The following FBXO9 variants were observed in gnomAD, a reference collection of about 807,000 sequenced individuals.
FBXO9 encodes F-box only protein 9.
In FBXO9, 43 loss-of-function variants were observed where a neutral mutation model predicts 63.7. The observed-to-expected ratio is 0.67, with a 90% CI of 0.53 to 0.87. FBXO9 has a LOEUF of 0.87. Ranked by LOEUF, FBXO9 falls within the 40% of genes least tolerant of loss-of-function variation. FBXO9 has a pLI of 0.00. For missense variants in FBXO9, 442 were observed against 533.2 expected (o/e 0.83, Z 1.68); for synonymous variants, 156 against 171.7 (o/e 0.91, Z 0.72).
At chr6:53,095,283 A>C (rs1458090528) in intron 11 of FBXO9, among the ~76,000 whole-genome samples, 1 of 152,090 alleles carries the variant, frequency 6.6e-6, no homozygotes, top group African/African-American at 2.4e-5. Context: ...TATTTAACAC[A>C]TGAGGTTATT....
rs372825499 is a variant in FBXO9 at position 53,076,497 on chromosome 6, C to T, written c.261C>T (p.Leu87=). The part of the protein sequence containing the change: ...EQAKEEKARE[L]FLKAVEEEQN... ...TTATATTTTTATAGGCTCGAGAACTCTTCCTAAAAGCAGTAGAAGAAGAAC... is the reference window on the plus strand; with the variant it reads ...TTATATTTTTATAGGCTCGAGAACTTTTCCTAAAAGCAGTAGAAGAAGAAC... The change falls in exon 4 of 13, where the codon CTC becomes CTT. Residue 87 remains leucine, a synonymous_variant. Transcript: ENST00000323557. 79 of 1,544,820 alleles carry T rather than the reference C, an allele frequency of 5.1e-5. No individual in the cohort carries two copies. In the Middle Eastern group the frequency reaches 8.8e-4, roughly 17 times the overall value.
rs536218395 is a variant in FBXO9 at position 53,090,888 on chromosome 6, A to C, written c.654-1541A>C. ...TGTATTTTTGCCTAGTTAATTAAAA[A>C]AAATTTTTTTAAGAGACAGGGTCTT... On this transcript the variant is annotated intron_variant, in intron 7 of 12. Coordinates refer to ENST00000323557, the MANE Select transcript of FBXO9 (RefSeq NM_033480.3). The C allele has an allele frequency of 3.9e-5, 6 of 152,274 alleles. No homozygotes were observed. In the South Asian group the frequency reaches 1.0e-3, roughly 26 times the overall value. The allele number at this position is 152,274 out of a possible 1,614,324, so 9.4% of individuals were successfully genotyped here. A position where few individuals can be genotyped will look rare whatever the true frequency, so the allele number is the denominator to read the frequency against.
At position 53,097,724 on chromosome 6, in the gene FBXO9, C is replaced by A; in HGVS notation, c.1208C>A (p.Ser403Ter). The A allele has an allele frequency of 1.3e-6, 2 of 1,584,122 alleles. No individual in the cohort carries two copies. The highest frequency in any genetic ancestry group is 1.1e-5 in the South Asian group (1 of 88,178). ...AATTTTGTGCTTTTTTTTTACAGAT[C>A]AACTGGTGAGACTGCAGTCAGTGCT... Reference protein sequence around the residue: ...IHHSCHITYKSTGETAVSAFE... With the variant: ...IHHSCHITYK The change falls in exon 13 of 13, where the codon TCA becomes TAA. Residue 403 changes from serine to a stop codon, truncating the protein, a stop_gained and splice_region_variant. Coordinates refer to ENST00000323557, the MANE Select transcript of FBXO9 (RefSeq NM_033480.3). LOFTEE classifies it high-confidence loss of function.
At chr6:53,094,342 T>A (rs1228531091) in intron 11 of FBXO9, among the ~76,000 whole-genome samples, 4 of 152,186 alleles carry the variant, frequency 2.6e-5, no homozygotes, top group African/African-American at 4.8e-5. Flanking sequence ...ATTCTTTCCA[T>A]AAGGATATTG....
In FBXO9 at chr6:53,075,734, A is replaced by ATTTTTTTTTTTTT. The variant is rs761159029; in HGVS notation, c.250-750_250-749insTTTTTTTTTTTTT. ...TAATTGGATTACATATATATATATAATTATTTTTTTTTTTTTTTTTTTTTT... is the reference window on the plus strand; with the variant it reads ...TAATTGGATTACATATATATATATAATTTTTTTTTTTTTTTATTTTTTTTTTTTTTTTTTTTTT... On this transcript the variant is annotated intron_variant, in intron 3 of 12. Transcript: ENST00000323557. Among the ~76,000 whole-genome samples, 7 of 82,174 alleles carry ATTTTTTTTTTTTT rather than the reference A, an allele frequency of 8.5e-5. 2 individuals carry two copies. The highest frequency in any genetic ancestry group is 1.6e-4 in the African/African-American group (3 of 19,322). The allele number at this position is 82,174 out of a possible 152,430, so 53.9% of individuals were successfully genotyped here. A position where few individuals can be genotyped will look rare whatever the true frequency, so the allele number is the denominator to read the frequency against.
rs550820954 is a variant in FBXO9, at chr6:53,074,959, G to A, written c.249+1320G>A. Among the ~76,000 whole-genome samples, 4 of 152,242 alleles carry A rather than the reference G, an allele frequency of 2.6e-5. No homozygotes were observed. In the South Asian group the frequency reaches 8.3e-4, roughly 32 times the overall value. On this transcript the variant is annotated intron_variant, in intron 3 of 12. Coordinates refer to ENST00000323557, the MANE Select transcript of FBXO9 (RefSeq NM_033480.3). Reference sequence around the variant, plus strand: ...ATGAACATAATTTTCACTTCTCTGGGATGAAACCCCAAGAGTACAATTGCT... The same window carrying A: ...ATGAACATAATTTTCACTTCTCTGGAATGAAACCCCAAGAGTACAATTGCT...
At chr6:53,066,608 T>C (rs966397830) in intron 1 of FBXO9, among the ~76,000 whole-genome samples, 12 of 152,270 alleles carry the variant, frequency 7.9e-5, no homozygotes, top group African/African-American at 2.7e-4. Context: ...AATGGCTGAA[T>C]TTATTTTTAT....
intron 7 of FBXO9, among the ~76,000 whole-genome samples, chr6:53,085,134 C>T (rs1769439937): frequency 6.6e-6 from 1 of 152,078 alleles, no homozygotes; most frequent in African/African-American, 2.4e-5. Context: ...GGAGAAAAAG[C>T]AAATGGTTCC....
rs1484841193 is a variant in FBXO9 at position 53,078,836 on chromosome 6, T to G, written c.345T>G (p.Pro115=). 6.2e-7 allele frequency: 1 copy of G among 1,613,820 alleles called. No individual in the cohort carries two copies. Among genetic ancestry groups the G allele is most frequent in the South Asian group, 1.1e-5 (1 of 91,082 alleles). The change falls in exon 5 of 13, where the codon CCT becomes CCG. Residue 115 remains proline, a synonymous_variant. Coordinates refer to ENST00000323557, the MANE Select transcript of FBXO9 (RefSeq NM_033480.3). ...KFYRRAMQLV[P]DIEFKITYTR... The stretch of plus-strand genomic sequence containing the variant: ...ATCGTAGGGCTATGCAACTTGTACC[T>G]GATATAGAGTTCAAGATTACTTATA...
At chr6:53,095,470 G>A (rs1763182596) in intron 11 of FBXO9, 43 bp from the exon 12 acceptor site, 1 of 1,535,576 alleles carries the variant, frequency 6.5e-7, no homozygotes, top group Non-Finnish European at 8.8e-7. Flanking sequence ...ACATAGAAGT[G>A]AGGTAAGGTT....
At chr6:53,092,613 C>A in intron 8 of FBXO9, 66 bp downstream of exon 8, 1 of 1,476,626 alleles carries the variant, frequency 6.8e-7, no homozygotes. Context: ...ATAAATACGC[C>A]GTTTAAATTT....
intron 3 of FBXO9, among the ~76,000 whole-genome samples, chr6:53,076,227 C>T (rs1769104513): frequency 6.6e-6 from 1 of 152,094 alleles, no homozygotes; most frequent in African/African-American, 2.4e-5. Flanking sequence ...CTTTTGGTGT[C>T]AAGAACTCTT....
chr6:53,070,366 A>G, intron 1 of FBXO9, among the ~76,000 whole-genome samples: 1 of 152,264 alleles, frequency 6.6e-6, no homozygotes, highest in Middle Eastern at 3.4e-3. Context: ...GTAGTTATGT[A>G]TATTAATGAA....
At chr6:53,096,006 A>G (rs1763199382) in intron 12 of FBXO9, among the ~76,000 whole-genome samples, 2 of 152,166 alleles carry the variant, frequency 1.3e-5, no homozygotes, top group African/African-American at 4.8e-5. Context: ...AAAATACCAG[A>G]TCATTTTTCT....
At chr6:53,085,956 C>T (rs1762866941) in intron 7 of FBXO9, among the ~76,000 whole-genome samples, 2 of 152,038 alleles carry the variant, frequency 1.3e-5, no homozygotes, top group Admixed American at 1.3e-4. Flanking sequence ...TCGAGAGCAG[C>T]CTGACCAACA....
At chr6:53,092,305 C>T in intron 7 of FBXO9, 124 bp from the exon 8 acceptor site, 2 of 692,052 alleles carry the variant, frequency 2.9e-6, no homozygotes, top group Non-Finnish European at 5.0e-6. Context: ...TTAGTTTCTC[C>T]TCAGAACAGT....
intron 7 of FBXO9, among the ~76,000 whole-genome samples, chr6:53,085,491 G>T (rs898232905): frequency 6.6e-6 from 1 of 151,984 alleles, no homozygotes; most frequent in Admixed American, 6.6e-5. Context: ...GTTATTTCTA[G>T]TACATGTAGC....
At chr6:53,066,423 A>AT (rs1477479217) in intron 1 of FBXO9, among the ~76,000 whole-genome samples, 1 of 152,228 alleles carries the variant, frequency 6.6e-6, no homozygotes, top group East Asian at 1.9e-4. Flanking sequence ...GACAGTGCAG[A>AT]TTCCATGAGA....
chr6:53,087,523 A>G (rs2744452), intron 7 of FBXO9, among the ~76,000 whole-genome samples: 112,969 of 151,370 alleles, frequency 0.75, 42,817 homozygotes, highest in South Asian at 0.88. Flanking sequence ...GCAATGGTGT[A>G]TGACCTGCAA....
Sources: gnomAD v4.1 joint callset for allele counts (sites outside exome capture counted in the v4.1 genomes callset) on GRCh38, gnomAD v4.1.1 for gene constraint, MANE v1.5 for transcripts, NCBI Gene and HGNC (gene_info 2026-07-23, HGNC 2026-07-21) for gene names.